Variants in CPNE5 observed in about 807,000 individuals in gnomAD.
CPNE5 encodes copine 5.
Under a neutral mutation model 81.1 loss-of-function variants are expected in CPNE5, and 42 were observed. That is an observed-to-expected ratio of 0.52 (90% CI 0.40 to 0.67). The LOEUF (loss-of-function observed/expected upper bound fraction) is 0.67. Among genes scored for constraint, CPNE5 ranks in the 30% least tolerant of loss-of-function variants. CPNE5 has a pLI of 0.00. For missense variants in CPNE5, 612 were observed against 815.5 expected, an observed-to-expected ratio of 0.75 and a Z score of 3.04; for synonymous variants, 313 against 321.5, an observed-to-expected ratio of 0.97 and a Z score of 0.28.
chr6:36,825,925 A>G (rs759012199), intron 1 of CPNE5, among the ~76,000 whole-genome samples: 3 of 152,318 alleles, frequency 2.0e-5, no homozygotes, highest in South Asian at 2.1e-4. Context: ...AAATTCAGCA[A>G]TGACATAAAA....
chr6:36,758,190 C>T (rs1022577553), intron 12 of CPNE5, among the ~76,000 whole-genome samples: 1 of 152,154 alleles, frequency 6.6e-6, no homozygotes, highest in Non-Finnish European at 1.5e-5. Flanking sequence ...TAAGAAGTAC[C>T]TGCCTCCCGG....
At chr6:36,819,661 C>T (rs1177174124) in intron 3 of CPNE5, among the ~76,000 whole-genome samples, 1 of 152,226 alleles carries the variant, frequency 6.6e-6, no homozygotes, top group Non-Finnish European at 1.5e-5. Flanking sequence ...CACCCTCAGG[C>T]TCTTGTCATT....
At chr6:36,837,483 C>G (rs17374347) in intron 1 of CPNE5, among the ~76,000 whole-genome samples, 3,376 of 152,254 alleles carry the variant, frequency 0.022, 52 homozygotes, top group Non-Finnish European at 0.033. Flanking sequence ...GAATCCCTGC[C>G]CTCAAATGCT....
chr6:36,802,494 G>T (rs1005504184), intron 3 of CPNE5, among the ~76,000 whole-genome samples: 2 of 152,140 alleles, frequency 1.3e-5, no homozygotes, highest in African/African-American at 4.8e-5. Flanking sequence ...CACACTGTAT[G>T]CTCCATGAAG....
chr6:36,797,195 C>T (rs186862889), intron 6 of CPNE5, among the ~76,000 whole-genome samples: 2 of 152,342 alleles, frequency 1.3e-5, no homozygotes, highest in African/African-American at 4.8e-5. Context: ...CGTGAGCCAC[C>T]GTGCCCGGTT....
chr6:36,800,131 A>G, intron 3 of CPNE5, 61 bp from the exon 4 acceptor site: 1 of 1,223,928 alleles, frequency 8.2e-7, no homozygotes, highest in Non-Finnish European at 1.2e-6. Flanking sequence ...CTGGTGGGGC[A>G]GGGGAGAGCA....
At chr6:36,764,138 C>T (rs1766332028) in intron 11 of CPNE5, among the ~76,000 whole-genome samples, 1 of 145,962 alleles carries the variant, frequency 6.9e-6, no homozygotes. Context: ...TTACAGCTCT[C>T]AGCATTCTGA....
chr6:36,792,315 AC>A (rs1769173981), intron 7 of CPNE5: 13 of 1,522,454 alleles, frequency 8.5e-6, no homozygotes, highest in African/African-American at 1.4e-5. Context: ...GAGCTGCCCC[AC>A]CCCCTGCTCC....
chr6:36,839,250 G>A lies in CPNE5; in HGVS notation c.95+33C>T, dbSNP rs554234321. 8.8e-6 allele frequency: 13 copies of A among 1,472,070 alleles called. No individual in the cohort carries two copies. In the African/African-American group the frequency reaches 1.3e-4, roughly 14 times the overall value. 91.2% of individuals were successfully genotyped at this position (1,472,070 alleles called of 1,614,324 possible). ...GCCGCGGGGCTCTGCGTCCAGGGCC[G>A]GGGCAAGGGGACCCGGCCAGCGGGA... On this transcript the variant is annotated intron_variant, in intron 1 of 20. Coordinates refer to ENST00000244751, the MANE Select transcript of CPNE5 (RefSeq NM_020939.2). This position sits in a 1 kb window ranked among gnomAD's most constrained non-coding sequence, Gnocchi z 7.3.
intron 14 of CPNE5, among the ~76,000 whole-genome samples, chr6:36,751,452 C>A (rs1286377620): frequency 2.6e-5 from 4 of 152,164 alleles, no homozygotes; most frequent in Admixed American, 6.5e-5. Context: ...TCTGATCCTG[C>A]CCACTGTGTT....
At chr6:36,828,409 G>A (rs1741301914) in intron 1 of CPNE5, among the ~76,000 whole-genome samples, 1 of 150,546 alleles carries the variant, frequency 6.6e-6, no homozygotes, top group Admixed American at 6.6e-5. Flanking sequence ...GTCTGACCAG[G>A]AGACATAGCC....
At chr6:36,743,829 G>A (rs1763810466) in intron 19 of CPNE5, 67 bp from the exon 20 acceptor site, 6 of 1,373,434 alleles carry the variant, frequency 4.4e-6, no homozygotes, top group South Asian at 1.2e-5. Flanking sequence ...TAGCAGGAGA[G>A]TGGACTTGTC....
intron 3 of CPNE5, among the ~76,000 whole-genome samples, chr6:36,812,360 G>A (rs764012526): frequency 2.0e-4 from 30 of 152,280 alleles, no homozygotes; most frequent in Non-Finnish European, 4.3e-4. Context: ...CTTATTTAAG[G>A]AGGGGAAGGA....
chr6:36,792,227 G>C, intron 7 of CPNE5, 131 bp from the exon 8 acceptor site: 1 of 1,228,816 alleles, frequency 8.1e-7, no homozygotes, highest in Non-Finnish European at 1.2e-6. Flanking sequence ...CAAAGCCCCT[G>C]AGAAGACAGA....
intron 12 of CPNE5, among the ~76,000 whole-genome samples, chr6:36,761,979 C>T (rs538375297): frequency 2.6e-5 from 4 of 152,138 alleles, no homozygotes; most frequent in African/African-American, 7.2e-5. Context: ...CAGTAGAACG[C>T]GGTGGCTCAG....
chr6:36,755,970 T>G (rs1039557130), intron 13 of CPNE5: 2 of 495,056 alleles, frequency 4.0e-6, no homozygotes, highest in Non-Finnish European at 7.1e-6. Context: ...AAATACGACT[T>G]CTCTTCCTCT....
chr6:36,772,894 C>T (rs956396724), intron 10 of CPNE5, among the ~76,000 whole-genome samples: 1 of 152,022 alleles, frequency 6.6e-6, no homozygotes, highest in Non-Finnish European at 1.5e-5. Context: ...AGCTGGAGTG[C>T]AGTGGTGCAA....
At chr6:36,780,483 G>C (rs1486701180) in intron 8 of CPNE5, among the ~76,000 whole-genome samples, 2 of 152,226 alleles carry the variant, frequency 1.3e-5, no homozygotes, top group East Asian at 3.8e-4. Flanking sequence ...CTTAAGGCAA[G>C]TTATTCACCC....
chr6:36,822,062 AG>A, intron 3 of CPNE5, 51 bp downstream of exon 3: 1 of 1,467,452 alleles, frequency 6.8e-7, no homozygotes, highest in Admixed American at 2.3e-5. Context: ...AGAGACAGAC[AG>A]GCAGACAGGA....
Sources: allele counts gnomAD v4.1 joint callset (sites outside exome capture counted in the v4.1 genomes callset), GRCh38; gene constraint gnomAD v4.1.1; non-coding constraint Gnocchi (gnomAD v3.1); transcripts MANE v1.5; gene names NCBI Gene and HGNC (gene_info 2026-07-23, HGNC 2026-07-21).